The following EHD4 variants were observed in gnomAD, a reference collection of about 807,000 sequenced individuals.
EHD4 encodes EH domain-containing protein 4.
In EHD4, 37 loss-of-function variants were observed where a neutral mutation model predicts 51.0. The observed-to-expected ratio is 0.73, with a 90% CI of 0.56 to 0.95. The LOEUF is 0.95. EHD4 is among the 40% of genes least tolerant of loss of function. The pLI is 0.00. For missense variants in EHD4, 632 were observed against 733.1 expected (o/e 0.86, Z 1.59); for synonymous variants, 297 against 317.3 (o/e 0.94, Z 0.68).
rs574389538 is a variant in EHD4, at chr15:41,921,026, A to AG, written c.512-1405dup. ...GAAAATAAAGAGGGTCTGCGGACTA[A>AG]GGTTTCCATGCATTTGAAGAACAGG... On this transcript the variant is annotated intron_variant, in intron 3 of 5. Transcript: ENST00000220325. Among the ~76,000 whole-genome samples, 18 of 152,312 alleles carry AG rather than the reference A, an allele frequency of 1.2e-4. No individual in the cohort carries two copies. In the East Asian group the frequency reaches 3.3e-3, roughly 28 times the overall value.
chr15:41,968,162 C>T (rs1355334507), intron 1 of EHD4, among the ~76,000 whole-genome samples: 2 of 152,214 alleles, frequency 1.3e-5, no homozygotes, highest in Non-Finnish European at 2.9e-5. Context: ...CTTTTACCTT[C>T]TCAGCCCACT....
At chr15:41,933,437 T>C (rs2067711811) in intron 3 of EHD4, among the ~76,000 whole-genome samples, 1 of 152,154 alleles carries the variant, frequency 6.6e-6, no homozygotes, top group Admixed American at 6.5e-5. Context: ...CGAGAGAAAG[T>C]ACCTTCCCCT....
chr15:41,970,912 G>A (rs1318212890), intron 1 of EHD4, among the ~76,000 whole-genome samples: 1 of 152,184 alleles, frequency 6.6e-6, no homozygotes, highest in African/African-American at 2.4e-5. Context: ...CATCTTTCAA[G>A]GTGCCAGTTA....
At chr15:41,937,269 C>T (rs993771091) in intron 3 of EHD4, among the ~76,000 whole-genome samples, 20 of 152,154 alleles carry the variant, frequency 1.3e-4, no homozygotes, top group Admixed American at 6.5e-5. Context: ...TTCCGTTCCT[C>T]CAAGGGCCCT....
chr15:41,920,273 TC>T (rs1423558874), intron 3 of EHD4, among the ~76,000 whole-genome samples: 13 of 152,380 alleles, frequency 8.5e-5, no homozygotes, highest in Admixed American at 4.6e-4. Context: ...CTTGCCAATT[TC>T]TTTTTTTAAA....
At position 41,972,247 on chromosome 15, in the gene EHD4, C is replaced by CT; in HGVS notation, c.236+11_236+12insA. On this transcript the variant is annotated intron_variant, in intron 1 of 5. Transcript: ENST00000220325. ...AGCGGGGCGGGAGCCGGGCGAGGGG[C>CT]GGTGACGGTACCTGATGAAGGTGGT... 1 of 1,539,044 alleles carries CT rather than the reference C, an allele frequency of 6.5e-7. No individual in the cohort carries two copies. Among genetic ancestry groups the CT allele is most frequent in the Non-Finnish European group, 8.8e-7 (1 of 1,140,708 alleles).
chr15:41,918,075 G>A (rs977421855), intron 4 of EHD4, among the ~76,000 whole-genome samples: 4 of 152,164 alleles, frequency 2.6e-5, no homozygotes, highest in African/African-American at 9.7e-5. Flanking sequence ...CAGCAAGAAG[G>A]AGGAAGAATT....
intron 3 of EHD4, among the ~76,000 whole-genome samples, chr15:41,924,141 G>A (rs1287172719): frequency 6.6e-6 from 1 of 152,186 alleles, no homozygotes; most frequent in East Asian, 1.9e-4. Flanking sequence ...TTCCTCAACT[G>A]CTCCCCATCC....
At chr15:41,957,850 G>C (rs138338526) in intron 1 of EHD4, among the ~76,000 whole-genome samples, 1 of 152,306 alleles carries the variant, frequency 6.6e-6, no homozygotes, top group African/African-American at 2.4e-5. Context: ...TGCAGTGAGG[G>C]AACTCGGAAC....
chr15:41,933,613 T>C (rs578167868), intron 3 of EHD4, among the ~76,000 whole-genome samples: 5 of 152,212 alleles, frequency 3.3e-5, no homozygotes, highest in African/African-American at 1.2e-4. Flanking sequence ...ATTTATAATC[T>C]TTCCCTCCCA....
rs2067439785 is a variant in EHD4 at position 41,896,522 on chromosome 15, C to T, written c.*4123G>A. 6.6e-6 allele frequency: 1 copy of T among 151,896 alleles called. No individual in the cohort carries two copies. Among genetic ancestry groups the T allele is most frequent in the East Asian group, 1.9e-4 (1 of 5,176 alleles). 9.4% of individuals were successfully genotyped at this position (151,896 alleles called of 1,614,324 possible). A position where few individuals can be genotyped will look rare whatever the true frequency, so the allele number is the denominator to read the frequency against. Reference sequence around the variant, plus strand: ...TGTGGTCAATCTCATCCAAACCTCACTTGAAGTGAGGGTGGGAGGAGGAGT... The same window carrying T: ...TGTGGTCAATCTCATCCAAACCTCATTTGAAGTGAGGGTGGGAGGAGGAGT... On this transcript the variant is annotated 3_prime_UTR_variant, in exon 6 of 6. Transcript: ENST00000220325.
At chr15:41,933,150 T>G (rs1197753714) in intron 3 of EHD4, among the ~76,000 whole-genome samples, 1 of 152,112 alleles carries the variant, frequency 6.6e-6, no homozygotes, top group Non-Finnish European at 1.5e-5. Flanking sequence ...TCTCCCCACC[T>G]CCCTCTGTCT....
At chr15:41,952,901 A>T (rs1162663713) in intron 2 of EHD4, among the ~76,000 whole-genome samples, 1 of 147,194 alleles carries the variant, frequency 6.8e-6, no homozygotes, top group African/African-American at 2.5e-5. Flanking sequence ...GAGGCAGGAG[A>T]ATTGCTTGAA....
intron 5 of EHD4, among the ~76,000 whole-genome samples, chr15:41,905,397 G>T (rs75939990): frequency 0.025 from 3,839 of 152,270 alleles, 172 homozygotes; most frequent in African/African-American, 0.089. Flanking sequence ...CTGCGTCAGG[G>T]CCTGAGAGCC....
intron 3 of EHD4, among the ~76,000 whole-genome samples, chr15:41,932,934 C>T (rs1008034816): frequency 2.6e-5 from 4 of 152,210 alleles, no homozygotes; most frequent in African/African-American, 7.2e-5. Flanking sequence ...TGGGACCACC[C>T]CAGTTCTATA....
intron 1 of EHD4, among the ~76,000 whole-genome samples, chr15:41,961,213 G>A (rs1410624085): frequency 1.3e-5 from 2 of 152,204 alleles, no homozygotes; most frequent in Non-Finnish European, 2.9e-5. Context: ...GGGCTGAGAT[G>A]TGCTTGAAAG....
intron 3 of EHD4, among the ~76,000 whole-genome samples, chr15:41,932,960 G>A (rs1566822054): frequency 6.6e-6 from 1 of 152,150 alleles, no homozygotes; most frequent in African/African-American, 2.4e-5. Context: ...AATCATGACC[G>A]CCCCTATCAC....
At chr15:41,953,317 A>G (rs1373759764) in intron 2 of EHD4, among the ~76,000 whole-genome samples, 2 of 152,138 alleles carry the variant, frequency 1.3e-5, no homozygotes, top group Non-Finnish European at 2.9e-5. Context: ...GAGGCAGCCT[A>G]ATCCATTTCT....
chr15:41,954,077 C>A, intron 1 of EHD4, 137 bp from the exon 2 acceptor site: 1 of 932,312 alleles, frequency 1.1e-6, no homozygotes, highest in East Asian at 2.7e-5. Flanking sequence ...AGCACGCAAT[C>A]CTCCTCTGCA....
Sources: gnomAD v4.1 joint callset for allele counts (sites outside exome capture counted in the v4.1 genomes callset) on GRCh38, gnomAD v4.1.1 for gene constraint, MANE v1.5 for transcripts, NCBI Gene and HGNC (gene_info 2026-07-23, HGNC 2026-07-21) for gene names.